SC5D: variants seen among roughly 807,000 people sequenced by gnomAD.
SC5D encodes sterol-C5-desaturase.
In SC5D, 21 loss-of-function variants were observed where a neutral mutation model predicts 23.9. The observed-to-expected ratio is 0.88, with a 90% CI of 0.62 to 1.26. The LOEUF is 1.26. SC5D is among the 50% of genes most tolerant of loss of function. SC5D has a pLI of 0.00. For missense variants in SC5D, 309 were observed against 364.8 expected, an observed-to-expected ratio of 0.85 and a Z score of 1.25; for synonymous variants, 113 against 125.9, an observed-to-expected ratio of 0.90 and a Z score of 0.68.
intron 1 of SC5D, among the ~76,000 whole-genome samples, chr11:121,296,279 A>G (rs1267233449): frequency 6.6e-6 from 1 of 152,194 alleles, no homozygotes; most frequent in African/African-American, 2.4e-5. Flanking sequence ...GAGAAAGTCC[A>G]AATTCCTCAG....
intron 1 of SC5D, among the ~76,000 whole-genome samples, chr11:121,294,798 C>G (rs951962822): frequency 6.6e-6 from 1 of 152,194 alleles, no homozygotes; most frequent in Non-Finnish European, 1.5e-5. Context: ...CGATACTATT[C>G]TAGGTATTGT....
Position 121,307,532 on chromosome 11 carries a change from T to A in SC5D, c.*20T>A, listed in dbSNP as rs1947976510. Reference sequence around the variant, plus strand: ...GAATAGATTATTGCCCAGTTATTCTTAAGTAAGGACAAAGAAGGAAATATC... The same window carrying A: ...GAATAGATTATTGCCCAGTTATTCTAAAGTAAGGACAAAGAAGGAAATATC... On this transcript the variant is annotated 3_prime_UTR_variant, in exon 5 of 5. Transcript: ENST00000264027. 4 of 1,489,784 alleles carry A rather than the reference T, an allele frequency of 2.7e-6. No individual in the cohort carries two copies. In the South Asian group the frequency reaches 3.6e-5, roughly 13 times the overall value. 92.3% of individuals were successfully genotyped at this position (1,489,784 alleles called of 1,614,324 possible).
rs944726518 is a variant in SC5D at position 121,312,921 on chromosome 11, C to T, written c.*5409C>T. 5.3e-5 allele frequency among the ~76,000 whole-genome samples: 8 copies of T among 152,040 alleles called. No homozygotes were observed. The highest frequency in any genetic ancestry group is 2.0e-4 in the Admixed American group (3 of 15,258). On this transcript the variant is annotated 3_prime_UTR_variant, in exon 5 of 5. Coordinates refer to ENST00000264027, the MANE Select transcript of SC5D (RefSeq NM_006918.5). Reference sequence around the variant, plus strand: ...CACTGGTGTGGTGACTTTTGTCTGTCGCTTCATTGGGACGTTTTTTCTTTC... The same window carrying T: ...CACTGGTGTGGTGACTTTTGTCTGTTGCTTCATTGGGACGTTTTTTCTTTC...
Position 121,312,945 on chromosome 11 carries a change from T to G in SC5D, c.*5433T>G, listed in dbSNP as rs188379216. On this transcript the variant is annotated 3_prime_UTR_variant, in exon 5 of 5. Coordinates refer to ENST00000264027, the MANE Select transcript of SC5D (RefSeq NM_006918.5). ...TCGCTTCATTGGGACGTTTTTTCTTTCTGATCAACTTAATGAAATTATAAT... is the reference window on the plus strand; with the variant it reads ...TCGCTTCATTGGGACGTTTTTTCTTGCTGATCAACTTAATGAAATTATAAT... Among the ~76,000 whole-genome samples the G allele has an allele frequency of 5.9e-5, 9 of 152,316 alleles. No homozygotes were observed. In the East Asian group the frequency reaches 1.5e-3, roughly 26 times the overall value.
chr11:121,298,570 A>G lies in SC5D; in HGVS notation c.-10-4796A>G, dbSNP rs189895755. On this transcript the variant is annotated intron_variant, in intron 1 of 4. Coordinates refer to ENST00000264027, the MANE Select transcript of SC5D (RefSeq NM_006918.5). Reference sequence around the variant, plus strand: ...GTGATGATACCTAATCTCTTTAATTATACCATACATTTAATGGCCCAAACC... The same window carrying G: ...GTGATGATACCTAATCTCTTTAATTGTACCATACATTTAATGGCCCAAACC... Among the ~76,000 whole-genome samples, 10 of 152,354 alleles carry G rather than the reference A, an allele frequency of 6.6e-5. No individual in the cohort carries two copies. The East Asian group carries it at 1.7e-3, about 26-fold the overall frequency.
At chr11:121,293,181 C>G (rs982638860) in intron 1 of SC5D, 1 of 152,276 alleles carries the variant, frequency 6.6e-6, no homozygotes, top group Admixed American at 6.5e-5. Context: ...GCCTTCCGCT[C>G]GCGCTGGGAG....
intron 1 of SC5D, among the ~76,000 whole-genome samples, chr11:121,297,057 T>G (rs1172812557): frequency 6.6e-6 from 1 of 152,234 alleles, no homozygotes; most frequent in East Asian, 1.9e-4. Context: ...AGATAGCCCT[T>G]CTTTCTTGAT....
rs571378521 is a variant in SC5D, at chr11:121,294,941, G to A, written c.-11+2125G>A. 7.2e-4 allele frequency among the ~76,000 whole-genome samples: 110 copies of A among 152,242 alleles called. No individual in the cohort carries two copies. In the South Asian group the frequency reaches 0.022, roughly 31 times the overall value. On this transcript the variant is annotated intron_variant, in intron 1 of 4. Coordinates refer to ENST00000264027, the MANE Select transcript of SC5D (RefSeq NM_006918.5). ...GTTATCTGATATTACGTAGTACCCTGTCCCTGCTACACCACCTCCCTTGGC... is the reference window on the plus strand; with the variant it reads ...GTTATCTGATATTACGTAGTACCCTATCCCTGCTACACCACCTCCCTTGGC...
chr11:121,306,663 G>T, intron 4 of SC5D, 177 bp downstream of exon 4: 1 of 687,380 alleles, frequency 1.5e-6, no homozygotes. Flanking sequence ...GGTCTAAGGG[G>T]CTGTCTTAAA....
Position 121,307,090 on chromosome 11 carries a change from C to T in SC5D, c.478C>T (p.Pro160Ser), listed in dbSNP as rs146322594. The T allele has an allele frequency of 5.0e-6, 8 of 1,614,036 alleles. No individual in the cohort carries two copies. Among genetic ancestry groups the T allele is most frequent in the Non-Finnish European group, 6.8e-6 (8 of 1,180,032 alleles). The change falls in exon 5 of 5, where the codon CCT becomes TCT. Residue 160 changes from proline (P) to serine (S), a missense_variant. By Grantham distance (74) the Pro-to-Ser change is moderately conservative. Coordinates refer to ENST00000264027, the MANE Select transcript of SC5D (RefSeq NM_006918.5). ...TAAACCTCACCATATTTGGAAGATTCCTACTCCATTTGCAAGTCATGCTTT... is the reference window on the plus strand; with the variant it reads ...TAAACCTCACCATATTTGGAAGATTTCTACTCCATTTGCAAGTCATGCTTT... The part of the protein sequence containing the change: ...LHKPHHIWKI[P>S]TPFASHAFHP...
At chr11:121,300,727 C>T (rs1445147930) in intron 1 of SC5D, among the ~76,000 whole-genome samples, 1 of 152,148 alleles carries the variant, frequency 6.6e-6, no homozygotes, top group East Asian at 1.9e-4. Flanking sequence ...GGGGAGAAGG[C>T]CCTAATTTCC....
intron 1 of SC5D, among the ~76,000 whole-genome samples, chr11:121,300,424 A>G (rs1591502746): frequency 6.6e-6 from 1 of 152,182 alleles, no homozygotes; most frequent in African/African-American, 2.4e-5. Flanking sequence ...CAACCCAGAA[A>G]ATCATCACCA....
In SC5D at chr11:121,307,062, A is replaced by G. The variant is rs766113190; in HGVS notation, c.450A>G (p.Leu150=). 1.9e-6 allele frequency: 3 copies of G among 1,614,012 alleles called. No homozygotes were observed. Among genetic ancestry groups the G allele is most frequent in the Admixed American group, 3.3e-5 (2 of 60,030 alleles). The stretch of plus-strand genomic sequence containing the variant: ...TGTGTCCTTTTCTCCTGCAGCGCCT[A>G]CATAAACCTCACCATATTTGGAAGA... ...GLHHRLVYKR[L]HKPHHIWKIP... is the part of the protein sequence containing the mutation. The change falls in exon 5 of 5, where the codon CTA becomes CTG. Residue 150 remains leucine, a synonymous_variant. Coordinates refer to ENST00000264027, the MANE Select transcript of SC5D (RefSeq NM_006918.5).
chr11:121,303,893 G>T (rs140875205), intron 2 of SC5D: 531 of 281,194 alleles, frequency 1.9e-3, no homozygotes, highest in African/African-American at 0.011. Flanking sequence ...TTTAATATAT[G>T]ATTTTCACAA....
Position 121,312,175 on chromosome 11 carries a change from T to A in SC5D, c.*4663T>A, listed in dbSNP as rs1046497259. On this transcript the variant is annotated 3_prime_UTR_variant, in exon 5 of 5. Coordinates refer to ENST00000264027, the MANE Select transcript of SC5D (RefSeq NM_006918.5). Reference sequence around the variant, plus strand: ...AACATACCTTCCTTGAAAAGCAGAATAAATTTTTTAAAGGCAGGAAGGAAG... The same window carrying A: ...AACATACCTTCCTTGAAAAGCAGAAAAAATTTTTTAAAGGCAGGAAGGAAG... Among the ~76,000 whole-genome samples the A allele has an allele frequency of 2.6e-5, 4 of 152,182 alleles. No homozygotes were observed. Among genetic ancestry groups the A allele is most frequent in the Non-Finnish European group, 4.4e-5 (3 of 67,996 alleles).
Position 121,312,861 on chromosome 11 carries a change from T to C in SC5D, c.*5349T>C, listed in dbSNP as rs953956449. 6.6e-6 allele frequency among the ~76,000 whole-genome samples: 1 copy of C among 152,164 alleles called. No individual in the cohort carries two copies. Among genetic ancestry groups the C allele is most frequent in the African/African-American group, 2.4e-5 (1 of 41,456 alleles). Reference sequence around the variant, plus strand: ...ATGTGGTATGAAACAAATAGAAACCTAGAAATTTAGTGCATATTCAAATAT... The same window carrying C: ...ATGTGGTATGAAACAAATAGAAACCCAGAAATTTAGTGCATATTCAAATAT... On this transcript the variant is annotated 3_prime_UTR_variant, in exon 5 of 5. Transcript: ENST00000264027.
Position 121,309,544 on chromosome 11 carries a change from A to T in SC5D, c.*2032A>T, listed in dbSNP as rs1209601685. Among the ~76,000 whole-genome samples, 1 of 152,290 alleles carries T rather than the reference A, an allele frequency of 6.6e-6. No homozygotes were observed. Among genetic ancestry groups the T allele is most frequent in the Non-Finnish European group, 1.5e-5 (1 of 68,016 alleles). On this transcript the variant is annotated 3_prime_UTR_variant, in exon 5 of 5. Coordinates refer to ENST00000264027, the MANE Select transcript of SC5D (RefSeq NM_006918.5). ...ATTTCAGGTTATCCACACACTAATC[A>T]TCTCAGTGTCTTTAATTCTTAACTC...
At chr11:121,303,818 T>A (rs1333856774) in intron 2 of SC5D, 1 of 459,224 alleles carries the variant, frequency 2.2e-6, no homozygotes, top group East Asian at 4.0e-5. Context: ...TCTTGCTAGA[T>A]GCATATTGGA....
chr11:121,304,863 C>T, intron 3 of SC5D: 1 of 248,284 alleles, frequency 4.0e-6, no homozygotes, highest in South Asian at 4.8e-5. Flanking sequence ...TTCTTAGAAA[C>T]TGTAACTCTT....
Sources: gnomAD v4.1 joint callset for allele counts (sites outside exome capture counted in the v4.1 genomes callset) on GRCh38, gnomAD v4.1.1 for gene constraint, MANE v1.5 for transcripts, NCBI Gene and HGNC (gene_info 2026-07-23, HGNC 2026-07-21) for gene names.